The following PATJ variants were observed in gnomAD, a reference collection of about 807,000 sequenced individuals.
PATJ encodes the protein inaD-like protein.
PATJ carries 190 observed loss-of-function variants against 224.9 expected under a neutral mutation model. The observed-to-expected ratio is 0.84, with a 90% CI of 0.75 to 0.95. The LOEUF (loss-of-function observed/expected upper bound fraction) is 0.95. PATJ is among the 40% of genes least tolerant of loss of function. PATJ has a pLI of 0.00. For synonymous variants in PATJ, 769 were observed against 820.3 expected (o/e 0.94, Z 1.07); for missense variants, 2,121 against 2,270.3 (o/e 0.93, Z 1.34).
chr1:61,949,263 G>C (rs1415498973), intron 27 of PATJ, among the ~76,000 whole-genome samples: 1 of 151,750 alleles, frequency 6.6e-6, no homozygotes, highest in Non-Finnish European at 1.5e-5. Flanking sequence ...ATTACATACT[G>C]TATGGTTCCA....
At chr1:61,781,594 A>G (rs576203067) in intron 7 of PATJ, among the ~76,000 whole-genome samples, 4 of 152,346 alleles carry the variant, frequency 2.6e-5, no homozygotes, top group African/African-American at 7.2e-5. Context: ...AGCCTCTGAA[A>G]GGAAAGAGCA....
At chr1:62,157,831 C>CAA (rs1160300843) in intron 43 of PATJ, among the ~76,000 whole-genome samples, 57 of 59,740 alleles carry the variant, frequency 9.5e-4, no homozygotes, top group Admixed American at 1.4e-3. Flanking sequence ...ACTCTGTCTC[C>CAA]AAAAAAAAAA....
At chr1:61,971,856 G>T (rs891131252) in intron 27 of PATJ, among the ~76,000 whole-genome samples, 8 of 151,714 alleles carry the variant, frequency 5.3e-5, no homozygotes, top group Non-Finnish European at 8.8e-5. Context: ...AGGTACAATG[G>T]TGGGTACCTG....
In PATJ at chr1:61,867,872, G is replaced by C. The variant is rs538004931; in HGVS notation, c.2835+3239G>C. Among the ~76,000 whole-genome samples the C allele has an allele frequency of 5.9e-5, 9 of 152,170 alleles. No individual in the cohort carries two copies. In the South Asian group the frequency reaches 1.9e-3, roughly 32 times the overall value. On this transcript the variant is annotated intron_variant, in intron 20 of 43. Coordinates refer to ENST00000642238, the MANE Select transcript of PATJ (RefSeq NM_001350145.3). ...AATATTATCTAATATTATAAGCTCT[G>C]AGAAGATTTTAAAAACACATTCAAA...
intron 20 of PATJ, among the ~76,000 whole-genome samples, chr1:61,870,789 G>A (rs1404188513): frequency 1.3e-5 from 2 of 152,040 alleles, no homozygotes; most frequent in Non-Finnish European, 2.9e-5. Context: ...TTTAATTTTT[G>A]GGGAGCTATA....
chr1:61,936,269 A>G (rs1676854667), intron 27 of PATJ, among the ~76,000 whole-genome samples: 1 of 151,182 alleles, frequency 6.6e-6, no homozygotes, highest in Non-Finnish European at 1.5e-5. Flanking sequence ...AGTAATTCTT[A>G]TGTGTTCCCA....
intron 27 of PATJ, among the ~76,000 whole-genome samples, chr1:61,944,306 G>T (rs1678321398): frequency 6.6e-6 from 1 of 152,148 alleles, no homozygotes; most frequent in Non-Finnish European, 1.5e-5. Flanking sequence ...TGAACCAATT[G>T]CAAAGAAGCT....
intron 21 of PATJ, among the ~76,000 whole-genome samples, chr1:61,883,937 T>C (rs945762771): frequency 6.7e-6 from 1 of 148,968 alleles, no homozygotes; most frequent in African/African-American, 2.5e-5. Flanking sequence ...AGAAAATGTG[T>C]AGTAAGATTA....
chr1:61,914,742 A>C, intron 26 of PATJ, 78 bp downstream of exon 26: 1 of 853,948 alleles, frequency 1.2e-6, no homozygotes, highest in Non-Finnish European at 1.9e-6. Flanking sequence ...GGGCTATAAT[A>C]GAAGTGGCTT....
At chr1:62,142,105 T>C (rs1667561713) in intron 41 of PATJ, among the ~76,000 whole-genome samples, 1 of 152,164 alleles carries the variant, frequency 6.6e-6, no homozygotes, top group East Asian at 1.9e-4. Context: ...CTGTCACATC[T>C]TGGCATTTGA....
chr1:61,894,278 A>G (rs1171002726), intron 22 of PATJ, among the ~76,000 whole-genome samples: 1 of 151,842 alleles, frequency 6.6e-6, no homozygotes, highest in Non-Finnish European at 1.5e-5. Context: ...AACACAAAAA[A>G]AAAACAGAGA....
At chr1:61,896,024 C>T (rs1178190398) in intron 22 of PATJ, among the ~76,000 whole-genome samples, 4 of 152,060 alleles carry the variant, frequency 2.6e-5, no homozygotes, top group Admixed American at 6.6e-5. Flanking sequence ...TATGGCCAGG[C>T]GGTTGCTGAC....
intron 32 of PATJ, 24 bp from the exon 33 acceptor site, chr1:62,084,491 A>G (rs980086774): frequency 1.2e-6 from 2 of 1,603,096 alleles, no homozygotes; most frequent in African/African-American, 2.7e-5. Flanking sequence ...CATGCCAGTC[A>G]TGCTGTGTTC....
intron 28 of PATJ, among the ~76,000 whole-genome samples, chr1:62,008,894 G>A (rs1406591341): frequency 6.6e-6 from 1 of 152,164 alleles, no homozygotes; most frequent in African/African-American, 2.4e-5. Context: ...TGGGTAAATT[G>A]GGAAGCATCA....
At position 62,123,103 on chromosome 1, in the gene PATJ, G is replaced by T. The variant is rs201495021; in HGVS notation, c.5043+45G>T. 1,706 of 1,357,700 alleles carry T rather than the reference G, an allele frequency of 1.3e-3. 3 individuals are homozygous for T. Among genetic ancestry groups the T allele is most frequent in the Non-Finnish European group, 1.4e-3 (1,329 of 958,260 alleles). 84.1% of individuals were successfully genotyped at this position (1,357,700 alleles called of 1,614,324 possible). ...GTATGTATTTTTCTGGTTTGTGTTG[G>T]ATTTGCACTAAATGTACATTTTCCC... On this transcript the variant is annotated intron_variant, in intron 39 of 43. Transcript: ENST00000642238.
chr1:62,049,857 A>G (rs1653255373), intron 30 of PATJ, among the ~76,000 whole-genome samples: 1 of 152,182 alleles, frequency 6.6e-6, no homozygotes, highest in Non-Finnish European at 1.5e-5. Flanking sequence ...TTGATTTCAG[A>G]AACCAACAAG....
intron 27 of PATJ, among the ~76,000 whole-genome samples, chr1:61,973,153 ATAT>A (rs1229600635): frequency 6.6e-6 from 1 of 152,020 alleles, no homozygotes; most frequent in African/African-American, 2.4e-5. Context: ...ATTTATTGAC[ATAT>A]TATGCTGTAC....
chr1:62,071,741 C>G (rs1657461367), intron 31 of PATJ, among the ~76,000 whole-genome samples: 1 of 152,202 alleles, frequency 6.6e-6, no homozygotes, highest in Non-Finnish European at 1.5e-5. Flanking sequence ...CCCACCTTGG[C>G]CTCCCAAAGT....
intron 20 of PATJ, among the ~76,000 whole-genome samples, chr1:61,871,409 A>ATGTG: frequency 7.2e-6 from 1 of 138,118 alleles, no homozygotes; most frequent in African/African-American, 2.6e-5. Flanking sequence ...ATGTGTATAT[A>ATGTG]TATACATATA....
Sources: gnomAD v4.1 joint callset for allele counts (sites outside exome capture counted in the v4.1 genomes callset) on GRCh38, gnomAD v4.1.1 for gene constraint, MANE v1.5 for transcripts, NCBI Gene and HGNC (gene_info 2026-07-23, HGNC 2026-07-21) for gene names.